Variants in EEA1 observed in about 807,000 individuals in gnomAD.
EEA1 encodes the protein early endosome antigen 1, 162kD.
Under a neutral mutation model 209.2 loss-of-function variants are expected in EEA1, and 111 were observed. The ratio of observed to expected loss-of-function variants is 0.53; its 90% confidence interval spans 0.45 to 0.62. The LOEUF is 0.62. EEA1 is among the 20% of genes least tolerant of loss of function. The pLI, the probability that EEA1 is intolerant of heterozygous loss-of-function variation, is 0.00. For missense variants in EEA1, 1,343 were observed against 1,530.8 expected (o/e 0.88, Z 2.05); for synonymous variants, 536 against 540.6 (o/e 0.99, Z 0.12).
intron 15 of EEA1, among the ~76,000 whole-genome samples, chr12:92,814,788 C>T (rs555944176): frequency 6.6e-6 from 1 of 152,208 alleles, no homozygotes; most frequent in Admixed American, 6.5e-5. Context: ...TGATGCTGTC[C>T]TGATCATGCA....
chr12:92,868,794 T>G (rs1347159986), intron 2 of EEA1, among the ~76,000 whole-genome samples: 1 of 151,956 alleles, frequency 6.6e-6, no homozygotes, highest in Non-Finnish European at 1.5e-5. Context: ...CCTTCTCAAA[T>G]AGATGATATT....
At chr12:92,791,093 A>G (rs577724625) in intron 21 of EEA1, among the ~76,000 whole-genome samples, 1 of 152,372 alleles carries the variant, frequency 6.6e-6, no homozygotes, top group African/African-American at 2.4e-5. Context: ...TGTCACCACC[A>G]GGCCTGCTTT....
At chr12:92,842,666 A>G (rs1459026405) in intron 9 of EEA1, 85 bp from the exon 10 acceptor site, 4 of 828,486 alleles carry the variant, frequency 4.8e-6, no homozygotes, top group African/African-American at 1.8e-5. Context: ...AGGTTTTAAG[A>G]AAACAAATTT....
rs5800089 is a variant in EEA1, at chr12:92,834,546, T to TAAAAAAAAAAAAAAA, written c.916-1711_916-1697dup. 4.0e-5 allele frequency among the ~76,000 whole-genome samples: 3 copies of TAAAAAAAAAAAAAAA among 74,430 alleles called. 1 individual carries two copies. The highest frequency in any genetic ancestry group is 1.7e-4 in the African/African-American group (3 of 18,134). 48.8% of individuals were successfully genotyped at this position (74,430 alleles called of 152,430 possible). The stretch of plus-strand genomic sequence containing the variant: ...GGCAACAAGGGCAAGACCCTGTCAC[T>TAAAAAAAAAAAAAAA]AAAAAAAAAAAAAAAAAAAAAAAGA... On this transcript the variant is annotated intron_variant, in intron 10 of 28. Coordinates refer to ENST00000322349, the MANE Select transcript of EEA1 (RefSeq NM_003566.4).
intron 17 of EEA1, among the ~76,000 whole-genome samples, chr12:92,810,845 T>G (rs1049652229): frequency 3.3e-5 from 5 of 152,046 alleles, no homozygotes; most frequent in Non-Finnish European, 7.4e-5. Flanking sequence ...GTTTTTAAAT[T>G]AGAAGCAAAA....
chr12:92,916,748 G>A (rs1880776408), intron 1 of EEA1, among the ~76,000 whole-genome samples: 1 of 128,436 alleles, frequency 7.8e-6, no homozygotes, highest in Non-Finnish European at 1.7e-5. Context: ...GATGGAGAAT[G>A]ACTTTGACGA....
intron 1 of EEA1, among the ~76,000 whole-genome samples, chr12:92,919,266 T>C (rs1233363558): frequency 2.7e-5 from 4 of 148,862 alleles, no homozygotes; most frequent in African/African-American, 9.9e-5. Flanking sequence ...ATCATCCTGA[T>C]ACCAAAGCTG....
chr12:92,895,021 C>T (rs1205740002), intron 1 of EEA1, among the ~76,000 whole-genome samples: 1 of 152,048 alleles, frequency 6.6e-6, no homozygotes, highest in African/African-American at 2.4e-5. Context: ...TCATTTATAC[C>T]GTTCTGAAAT....
At chr12:92,907,480 C>T (rs974447728) in intron 1 of EEA1, among the ~76,000 whole-genome samples, 20 of 152,152 alleles carry the variant, frequency 1.3e-4, no homozygotes, top group African/African-American at 4.6e-4. Context: ...TTAACCTTCA[C>T]ATCCAATCAC....
intron 21 of EEA1, among the ~76,000 whole-genome samples, chr12:92,793,385 T>C (rs1298658956): frequency 1.3e-5 from 2 of 152,188 alleles, no homozygotes; most frequent in Non-Finnish European, 2.9e-5. Context: ...GAAAACCCCA[T>C]TGTCTCAGTC....
chr12:92,872,071 C>T (rs749120120), intron 2 of EEA1, among the ~76,000 whole-genome samples: 43 of 130,216 alleles, frequency 3.3e-4, no homozygotes, highest in East Asian at 7.6e-4. Context: ...TTTTTTGAGA[C>T]GGAGTCTCAC....
intron 5 of EEA1, among the ~76,000 whole-genome samples, chr12:92,854,558 A>G (rs1877783423): frequency 6.6e-6 from 1 of 152,212 alleles, no homozygotes; most frequent in African/African-American, 2.4e-5. Context: ...TTCAAAATAC[A>G]TATTAACCAA....
intron 21 of EEA1, among the ~76,000 whole-genome samples, chr12:92,789,530 G>A (rs753652676): frequency 4.6e-5 from 7 of 151,804 alleles, no homozygotes; most frequent in Middle Eastern, 3.2e-3. Flanking sequence ...GAGTAGCCAC[G>A]AGCATCAAAA....
chr12:92,887,674 A>G (rs1182320137), intron 2 of EEA1, among the ~76,000 whole-genome samples: 1 of 152,286 alleles, frequency 6.6e-6, no homozygotes, highest in East Asian at 1.9e-4. Context: ...AAAAATACCT[A>G]TGATAGAATA....
intron 9 of EEA1, 45 bp downstream of exon 9, chr12:92,851,066 C>T: frequency 6.3e-7 from 1 of 1,594,536 alleles, no homozygotes; most frequent in South Asian, 1.1e-5. Flanking sequence ...GTATACACTA[C>T]ACAAGCTAAT....
In EEA1 at chr12:92,856,598, C is replaced by A. The variant is rs141651952; in HGVS notation, c.366+677G>T. The stretch of plus-strand genomic sequence containing the variant: ...ACTAGCTATTTATAGCTAGTAATAT[C>A]TCTTTCCCTACCAATATACACTTTA... On this transcript the variant is annotated intron_variant, in intron 5 of 28. Coordinates refer to ENST00000322349, the MANE Select transcript of EEA1 (RefSeq NM_003566.4). 4.6e-5 allele frequency among the ~76,000 whole-genome samples: 7 copies of A among 151,970 alleles called. No homozygotes were observed. The East Asian group carries it at 1.3e-3, about 29-fold the overall frequency.
Position 92,826,250 on chromosome 12 carries a change from C to G in EEA1, c.1440G>C (p.Gln480His). The change falls in exon 13 of 29, where the codon CAG (glutamine) becomes CAC (histidine). Residue 480 changes from glutamine (Q) to histidine (H), a missense_variant. This residue lies in a region of EEA1 where 1,307 missense variants were observed against 1,465.5 expected (regional missense o/e 0.89). Transcript: ENST00000322349. ...GTTGCTTTGTTTTATCTAATTGATG[C>G]TGCAATTCTGTAGAATTTGTAACTT... ...KEKVTNSTELQHQLDKTKQQH... is the reference protein window; with the variant it reads ...KEKVTNSTELHHQLDKTKQQH... The G allele has an allele frequency of 1.2e-6, 2 of 1,612,824 alleles. No homozygotes were observed. The highest frequency in any genetic ancestry group is 1.7e-6 in the Non-Finnish European group (2 of 1,179,098).
At chr12:92,878,811 C>T (rs1047058865) in intron 2 of EEA1, among the ~76,000 whole-genome samples, 1 of 152,090 alleles carries the variant, frequency 6.6e-6, no homozygotes, top group African/African-American at 2.4e-5. Context: ...TGGGATATCA[C>T]TACAGATGCT....
chr12:92,856,767 C>CT (rs57579359), intron 5 of EEA1, among the ~76,000 whole-genome samples: 50,056 of 86,770 alleles, frequency 0.58, 16,258 homozygotes, highest in East Asian at 0.88. Context: ...ATACCTGATT[C>CT]TTTTTTTTTT....
Sources: gnomAD v4.1 joint callset for allele counts (sites outside exome capture counted in the v4.1 genomes callset) on GRCh38, gnomAD v4.1.1 for gene constraint, gnomAD v4.1.1 regional missense constraint, MANE v1.5 for transcripts, NCBI Gene and HGNC (gene_info 2026-07-23, HGNC 2026-07-21) for gene names.